Variants in KCNB2 observed in about 807,000 individuals in gnomAD.
The protein encoded by KCNB2 is potassium voltage-gated channel subfamily B member 2, also known as delayed rectifier potassium channel protein.
In KCNB2, 15 loss-of-function variants were observed where a neutral mutation model predicts 61.5. The observed-to-expected ratio is 0.24, with a 90% CI of 0.16 to 0.38. The LOEUF (loss-of-function observed/expected upper bound fraction) is 0.38, where lower values mean the gene tolerates loss of function less well. Among genes scored for constraint, KCNB2 ranks in the 10% least tolerant of loss-of-function variants. KCNB2 has a pLI of 1.00. For missense variants in KCNB2, 828 were observed against 1,125.2 expected (o/e 0.74, Z 3.78); for synonymous variants, 457 against 446.0 (o/e 1.02, Z -0.31).
intron 1 of KCNB2, among the ~76,000 whole-genome samples, chr8:72,547,284 G>T (rs563768995): frequency 8.5e-5 from 13 of 152,288 alleles, no homozygotes; most frequent in Non-Finnish European, 1.8e-4. Context: ...TTTCATGCCT[G>T]CTAACACAGT....
At chr8:72,662,482 G>A (rs1023179717) in intron 2 of KCNB2, among the ~76,000 whole-genome samples, 1 of 152,182 alleles carries the variant, frequency 6.6e-6, no homozygotes, top group Non-Finnish European at 1.5e-5. Context: ...GGCTACTGGA[G>A]GATATGGATG....
At position 72,937,995 on chromosome 8, in the gene KCNB2, A is replaced by G. The variant is rs746952461; in HGVS notation, c.2640A>G (p.Gln880=). ...AVSEVKKDSS[Q]EGCKMENHLF... is the part of the protein sequence containing the mutation. ...GTGAAGTCAAAAAGGACAGTAGTCA[A>G]GAAGGGTGCAAGATGGAAAATCACT... The change falls in exon 3 of 3, where the codon CAA becomes CAG. Residue 880 remains glutamine (Q), a synonymous_variant. Coordinates refer to ENST00000523207, the MANE Select transcript of KCNB2 (RefSeq NM_004770.3). The G allele has an allele frequency of 3.1e-6, 5 of 1,614,160 alleles. No homozygotes were observed. In the East Asian group the frequency reaches 6.7e-5, roughly 22 times the overall value.
At chr8:72,620,251 C>G (rs969490124) in intron 2 of KCNB2, among the ~76,000 whole-genome samples, 5 of 152,302 alleles carry the variant, frequency 3.3e-5, no homozygotes, top group Non-Finnish European at 7.3e-5. Context: ...AGACAGAAAT[C>G]CAACAGGCAG....
chr8:72,603,750 A>C (rs145423570), intron 2 of KCNB2, among the ~76,000 whole-genome samples: 1 of 152,296 alleles, frequency 6.6e-6, no homozygotes, highest in Non-Finnish European at 1.5e-5. Flanking sequence ...AGTTAAGATG[A>C]GATCACACTG....
Position 72,556,939 on chromosome 8 carries a change from T to G in KCNB2, c.-93-10703T>G, listed in dbSNP as rs182449254. Among the ~76,000 whole-genome samples, 287 of 152,250 alleles carry G rather than the reference T, an allele frequency of 1.9e-3. 5 individuals carry two copies. The highest frequency in any genetic ancestry group is 0.014 in the Admixed American group (216 of 15,276). ...AAGATCAAGGTGCTGGCAGATTTAG[T>G]GTCTGGTGAGGGCCTCTTCCTTAAA... On this transcript the variant is annotated intron_variant, in intron 1 of 2. Coordinates refer to ENST00000523207, the MANE Select transcript of KCNB2 (RefSeq NM_004770.3).
rs577397568 is a variant in KCNB2, at chr8:72,668,393, T to C, written c.579+100080T>C. Among the ~76,000 whole-genome samples the C allele has an allele frequency of 7.2e-5, 11 of 152,284 alleles. No homozygotes were observed. In the East Asian group the frequency reaches 2.1e-3, roughly 29 times the overall value. On this transcript the variant is annotated intron_variant, in intron 2 of 2. Transcript: ENST00000523207. ...TCTCTAGTGTGGATTATGGCCCCTG[T>C]AGACAAAGACACCACTATCAGGCAG...
chr8:72,708,428 T>C (rs1433249440), intron 2 of KCNB2, among the ~76,000 whole-genome samples: 1 of 152,204 alleles, frequency 6.6e-6, no homozygotes, highest in Admixed American at 6.5e-5. Context: ...CCAAAATGAC[T>C]TATCCTAGTA....
At chr8:72,593,611 C>T (rs1807136614) in intron 2 of KCNB2, among the ~76,000 whole-genome samples, 1 of 152,096 alleles carries the variant, frequency 6.6e-6, no homozygotes, top group Admixed American at 6.5e-5. Flanking sequence ...TGGGCTCTGA[C>T]CTGTTTCTCA....
At position 72,767,591 on chromosome 8, in the gene KCNB2, G is replaced by A. The variant is rs1585881510; in HGVS notation, c.580-168344G>A. On this transcript the variant is annotated intron_variant, in intron 2 of 2. Coordinates refer to ENST00000523207, the MANE Select transcript of KCNB2 (RefSeq NM_004770.3). ...TTTTTATTGTTGAATAACGTTTTAT[G>A]GTATGGTTATACTACATCTTATTTA... Among the ~76,000 whole-genome samples the A allele has an allele frequency of 2.0e-5, 3 of 152,074 alleles. No individual in the cohort carries two copies. The South Asian group carries it at 6.2e-4, about 32-fold the overall frequency.
At chr8:72,924,657 C>A (rs978531993) in intron 2 of KCNB2, among the ~76,000 whole-genome samples, 2 of 152,118 alleles carry the variant, frequency 1.3e-5, no homozygotes, top group South Asian at 4.1e-4. Flanking sequence ...AAAAAAGGGC[C>A]TCTCTGCCCA....
chr8:72,611,188 T>C (rs1434000464), intron 2 of KCNB2, among the ~76,000 whole-genome samples: 14 of 152,222 alleles, frequency 9.2e-5, no homozygotes, highest in Admixed American at 9.2e-4. Context: ...ATTAGTATTT[T>C]CTTATAGATT....
In KCNB2 at chr8:72,785,743, C is replaced by T. The variant is rs1808835960; in HGVS notation, c.580-150192C>T. Among the ~76,000 whole-genome samples the T allele has an allele frequency of 3.9e-5, 6 of 152,104 alleles. No individual in the cohort carries two copies. The South Asian group carries it at 6.2e-4, about 16-fold the overall frequency. ...CAAAGTAACTTTGTCTCCATAAATC[C>T]GTTTTTCCTTTGGCAATGGTTTAAA... On this transcript the variant is annotated intron_variant, in intron 2 of 2. Coordinates refer to ENST00000523207, the MANE Select transcript of KCNB2 (RefSeq NM_004770.3).
At chr8:72,547,233 C>T (rs1167755831) in intron 1 of KCNB2, among the ~76,000 whole-genome samples, 2 of 152,200 alleles carry the variant, frequency 1.3e-5, no homozygotes, top group African/African-American at 2.4e-5. Context: ...TGTTTCCCAT[C>T]ACCCAAGAGC....
At chr8:72,898,462 AT>A (rs1227944535) in intron 2 of KCNB2, among the ~76,000 whole-genome samples, 3 of 152,062 alleles carry the variant, frequency 2.0e-5, no homozygotes, top group Non-Finnish European at 4.4e-5. Context: ...AAAAAAAAAC[AT>A]TGGAAAGCTG....
At chr8:72,547,653 C>A (rs547436059) in intron 1 of KCNB2, among the ~76,000 whole-genome samples, 3 of 152,172 alleles carry the variant, frequency 2.0e-5, no homozygotes, top group Non-Finnish European at 4.4e-5. Flanking sequence ...GCTGTGACCT[C>A]ATAATCAAAC....
intron 2 of KCNB2, among the ~76,000 whole-genome samples, chr8:72,825,535 C>T (rs1177874426): frequency 6.6e-6 from 1 of 152,210 alleles, no homozygotes; most frequent in Non-Finnish European, 1.5e-5. Flanking sequence ...GCTCCAATTT[C>T]TCTACGTCCT....
At chr8:72,813,069 T>C (rs1809331916) in intron 2 of KCNB2, among the ~76,000 whole-genome samples, 1 of 152,174 alleles carries the variant, frequency 6.6e-6, no homozygotes, top group Non-Finnish European at 1.5e-5. Flanking sequence ...GAGTGAGGGA[T>C]GGTCCCTATC....
chr8:72,633,578 T>C (rs1183759649), intron 2 of KCNB2, among the ~76,000 whole-genome samples: 3 of 152,180 alleles, frequency 2.0e-5, no homozygotes, highest in Admixed American at 2.0e-4. Flanking sequence ...TCTGCATCTC[T>C]GTTTTCTCTT....
chr8:72,914,901 ATCT>A (rs71973775), intron 2 of KCNB2, among the ~76,000 whole-genome samples: 1,650 of 150,984 alleles, frequency 0.011, 24 homozygotes, highest in African/African-American at 0.038. Context: ...TAAATGACTA[ATCT>A]TCTTTTTTTT....
Sources: gnomAD v4.1 joint callset for allele counts (sites outside exome capture counted in the v4.1 genomes callset) on GRCh38, gnomAD v4.1.1 for gene constraint, MANE v1.5 for transcripts, NCBI Gene and HGNC (gene_info 2026-07-23, HGNC 2026-07-21) for gene names.